THRB: variants seen among roughly 807,000 people sequenced by gnomAD.
The protein encoded by THRB is nuclear receptor subfamily 1 group A member 2.
A neutral mutation model predicts 47.8 loss-of-function variants in THRB; 12 were observed. The observed-to-expected ratio is 0.25, with a 90% confidence interval of 0.16 to 0.41. The LOEUF (loss-of-function observed/expected upper bound fraction) is 0.41. THRB is among the 10% of genes least tolerant of loss of function. The pLI is 1.00. For synonymous variants in THRB, 218 were observed against 212.2 expected (o/e 1.03, Z -0.24); for missense variants, 348 against 589.2 (o/e 0.59, Z 4.24).
rs569442604 is a variant in THRB at position 24,483,408 on chromosome 3, C to T, written c.-261+11244G>A. On this transcript the variant is annotated intron_variant, in intron 1 of 10. Coordinates refer to ENST00000646209, the MANE Select transcript of THRB (RefSeq NM_001354712.2). The stretch of plus-strand genomic sequence containing the variant: ...CTAAAACTGTTATAAAATTATTCCA[C>T]GAAAAATGGGTTCAGTACCTCTGTC... 8.6e-4 allele frequency among the ~76,000 whole-genome samples: 130 copies of T among 151,688 alleles called. 2 individuals are homozygous for T. In the South Asian group the frequency reaches 0.023, roughly 26 times the overall value.
intron 4 of THRB, among the ~76,000 whole-genome samples, chr3:24,220,276 A>G (rs1272081811): frequency 6.6e-6 from 1 of 152,150 alleles, no homozygotes; most frequent in Admixed American, 6.5e-5. Flanking sequence ...GGATCAGCTG[A>G]TCCCAGGAGT....
At chr3:24,135,741 A>T in intron 8 of THRB, among the ~76,000 whole-genome samples, 1 of 150,840 alleles carries the variant, frequency 6.6e-6, no homozygotes, top group East Asian at 1.9e-4. Context: ...CATCTCACTG[A>T]CCTTGTCTAC....
chr3:24,399,339 A>C (rs1197270327), intron 1 of THRB, among the ~76,000 whole-genome samples: 2 of 152,086 alleles, frequency 1.3e-5, no homozygotes, highest in Non-Finnish European at 2.9e-5. Context: ...GACCAATTTG[A>C]GGTTATAATT....
intron 1 of THRB, among the ~76,000 whole-genome samples, chr3:24,463,453 A>G (rs995013989): frequency 6.6e-6 from 1 of 152,058 alleles, no homozygotes; most frequent in Non-Finnish European, 1.5e-5. Context: ...ATTATTTTGT[A>G]GAGACAGGGT....
chr3:24,370,233 C>T (rs535550963), intron 1 of THRB, among the ~76,000 whole-genome samples: 42 of 152,132 alleles, frequency 2.8e-4, no homozygotes, highest in Middle Eastern at 3.4e-3. Flanking sequence ...GATAACTTGT[C>T]CCCTTTATTG....
intron 1 of THRB, among the ~76,000 whole-genome samples, chr3:24,448,737 T>C (rs2072346548): frequency 6.6e-6 from 1 of 152,194 alleles, no homozygotes; most frequent in Admixed American, 6.5e-5. Context: ...TAAATGTACA[T>C]TAAATGTTCA....
intron 1 of THRB, among the ~76,000 whole-genome samples, chr3:24,459,807 T>G (rs999143987): frequency 1.8e-4 from 28 of 152,238 alleles, no homozygotes; most frequent in Non-Finnish European, 8.8e-5. Flanking sequence ...TTTGATGGTT[T>G]TTTTATTGTA....
intron 3 of THRB, among the ~76,000 whole-genome samples, chr3:24,275,011 C>T (rs1407998377): frequency 2.0e-5 from 3 of 151,952 alleles, no homozygotes; most frequent in Admixed American, 6.6e-5. Flanking sequence ...ATCTACTCAT[C>T]GATTGAAGAG....
chr3:24,368,141 C>T (rs551346276), intron 1 of THRB, among the ~76,000 whole-genome samples: 1 of 152,114 alleles, frequency 6.6e-6, no homozygotes, highest in Non-Finnish European at 1.5e-5. Flanking sequence ...AATCCTTATA[C>T]AACTCCTGTA....
chr3:24,251,382 A>T (rs1163302726), intron 3 of THRB, among the ~76,000 whole-genome samples: 1 of 152,154 alleles, frequency 6.6e-6, no homozygotes, highest in Non-Finnish European at 1.5e-5. Flanking sequence ...TCATGTGTAA[A>T]GATATCCCAA....
chr3:24,243,495 A>G (rs2049789997), intron 3 of THRB, among the ~76,000 whole-genome samples: 1 of 151,776 alleles, frequency 6.6e-6, no homozygotes, highest in African/African-American at 2.4e-5. Context: ...CTTGCCTGAA[A>G]TGCTCATGCC....
Position 24,228,851 on chromosome 3 carries a change from G to A in THRB, c.22+87C>T, listed in dbSNP as rs375347357. On this transcript the variant is annotated intron_variant, in intron 4 of 10. Transcript: ENST00000646209. ...TTGGAAATAACGGTTGCTAAAACTCGCAAGTTAATCTTTAAGAATCTATAA... is the reference window on the plus strand; with the variant it reads ...TTGGAAATAACGGTTGCTAAAACTCACAAGTTAATCTTTAAGAATCTATAA... 9.0e-4 allele frequency: 1,160 copies of A among 1,285,554 alleles called. 8 individuals are homozygous for A. In the South Asian group the frequency reaches 0.012, roughly 13 times the overall value. 79.6% of individuals were successfully genotyped at this position (1,285,554 alleles called of 1,614,324 possible). A position where few individuals can be genotyped will look rare whatever the true frequency, so the allele number is the denominator to read the frequency against.
At chr3:24,123,762 A>G (rs1575236296) in intron 10 of THRB, among the ~76,000 whole-genome samples, 1 of 152,158 alleles carries the variant, frequency 6.6e-6, no homozygotes, top group Non-Finnish European at 1.5e-5. Context: ...AGGGGAGGGG[A>G]GCTGTGCCAG....
At chr3:24,465,041 T>C (rs2074022258) in intron 1 of THRB, among the ~76,000 whole-genome samples, 1 of 152,226 alleles carries the variant, frequency 6.6e-6, no homozygotes, top group African/African-American at 2.4e-5. Context: ...TATTTTTTTT[T>C]TCCTGCAACC....
At chr3:24,378,638 G>A (rs2065467926) in intron 1 of THRB, among the ~76,000 whole-genome samples, 1 of 152,114 alleles carries the variant, frequency 6.6e-6, no homozygotes, top group African/African-American at 2.4e-5. Flanking sequence ...CTTTAGAAGG[G>A]GAGCAGTTGA....
chr3:24,391,595 T>C (rs1408401417), intron 1 of THRB, among the ~76,000 whole-genome samples: 1 of 152,208 alleles, frequency 6.6e-6, no homozygotes, highest in African/African-American at 2.4e-5. Context: ...AAGACACTTA[T>C]CTCAGTTTAG....
At chr3:24,340,402 C>T (rs920721967) in intron 1 of THRB, among the ~76,000 whole-genome samples, 3 of 147,628 alleles carry the variant, frequency 2.0e-5, no homozygotes, top group Non-Finnish European at 3.0e-5. Flanking sequence ...ACCTTCTTTT[C>T]TCTCTCTCTC....
At chr3:24,156,657 A>G (rs191770624) in intron 5 of THRB, among the ~76,000 whole-genome samples, 2 of 152,348 alleles carry the variant, frequency 1.3e-5, no homozygotes, top group Admixed American at 6.5e-5. Flanking sequence ...TTCATCTTGT[A>G]GAGCTATCAA....
At chr3:24,225,418 G>GGAA (rs1189244416) in intron 4 of THRB, among the ~76,000 whole-genome samples, 2 of 152,118 alleles carry the variant, frequency 1.3e-5, no homozygotes, top group Non-Finnish European at 2.9e-5. Flanking sequence ...AACTGAATGG[G>GGAA]GAATACATTA....
Sources: gnomAD v4.1 joint callset for allele counts (sites outside exome capture counted in the v4.1 genomes callset) on GRCh38, gnomAD v4.1.1 for gene constraint, MANE v1.5 for transcripts, NCBI Gene and HGNC (gene_info 2026-07-23, HGNC 2026-07-21) for gene names.